TLN2: variants seen among roughly 807,000 people sequenced by gnomAD.
The protein encoded by TLN2 is talin-2.
In TLN2, 118 loss-of-function variants were observed where a neutral mutation model predicts 294.7. The ratio of observed to expected loss-of-function variants is 0.40; its 90% CI spans 0.34 to 0.47. The LOEUF (loss-of-function observed/expected upper bound fraction) is 0.47. Ranked by LOEUF, TLN2 falls within the 20% of genes least tolerant of loss-of-function variation. The pLI, the probability that TLN2 is intolerant of heterozygous loss-of-function variation, is 0.84. For synonymous variants in TLN2, 1,431 were observed against 1,304.5 expected, an observed-to-expected ratio of 1.10 and a Z score of -2.09; for missense variants, 3,083 against 3,282.2, an observed-to-expected ratio of 0.94 and a Z score of 1.48.
At chr15:62,420,098 A>G (rs2034306611) in intron 1 of TLN2, among the ~76,000 whole-genome samples, 1 of 152,184 alleles carries the variant, frequency 6.6e-6, no homozygotes, top group Non-Finnish European at 1.5e-5. Context: ...CAGCCTTATA[A>G]AACTGGGAAA....
chr15:62,522,510 A>G (rs1259167434), intron 1 of TLN2, among the ~76,000 whole-genome samples: 2 of 152,192 alleles, frequency 1.3e-5, no homozygotes, highest in Admixed American at 1.3e-4. Flanking sequence ...CTGCTAGAAC[A>G]AGTACGCTGT....
Position 62,796,304 on chromosome 15 carries a change from G to C in TLN2, c.6050+11G>C. On this transcript the variant is annotated intron_variant, in intron 47 of 58. Coordinates refer to ENST00000636159, the MANE Select transcript of TLN2 (RefSeq NM_015059.3). ...CTTCGCAGACCACAGGTACGTGGGG[G>C]TCCTGGACGGGGAGAGGTTCAGGCT... 1 of 1,608,202 alleles carries C rather than the reference G, an allele frequency of 6.2e-7. No individual in the cohort carries two copies.
intron 1 of TLN2, among the ~76,000 whole-genome samples, chr15:62,471,070 A>G (rs1023761110): frequency 6.6e-6 from 1 of 152,192 alleles, no homozygotes; most frequent in Non-Finnish European, 1.5e-5. Flanking sequence ...AAGGCTGGGC[A>G]TGTGTGGCTT....
intron 54 of TLN2, among the ~76,000 whole-genome samples, chr15:62,823,046 A>G (rs532413247): frequency 4.6e-5 from 7 of 152,306 alleles, no homozygotes; most frequent in Admixed American, 2.6e-4. Context: ...GGGTTTTTAC[A>G]GGAAAGCCAA....
chr15:62,493,587 G>A (rs2038862590), intron 1 of TLN2, among the ~76,000 whole-genome samples: 1 of 151,640 alleles, frequency 6.6e-6, no homozygotes, highest in African/African-American at 2.4e-5. Context: ...GTAGGAAGCT[G>A]GCCCAACACC....
intron 1 of TLN2, among the ~76,000 whole-genome samples, chr15:62,397,197 T>A (rs1160223987): frequency 6.6e-6 from 1 of 152,172 alleles, no homozygotes; most frequent in South Asian, 2.1e-4. Context: ...GAATGATGAG[T>A]TTTTGCCAGT....
rs758343282 is a variant in TLN2, at chr15:62,697,721, C to T, written c.1326C>T (p.Thr442=). The stretch of plus-strand genomic sequence containing the variant: ...TCTTGCAGCAGCAGTTCAACCGGAC[C>T]GGGAAGGCAGAGCACGGCTCAGTGG... The part of the protein sequence containing the change: ...STILQQQFNR[T]GKAEHGSVAL... Residue 442 remains threonine, a synonymous_variant, in exon 15 of 59, where the codon ACC becomes ACT. Coordinates refer to ENST00000636159, the MANE Select transcript of TLN2 (RefSeq NM_015059.3). 32 of 1,603,900 alleles carry T rather than the reference C, an allele frequency of 2.0e-5. No individual in the cohort carries two copies. Among genetic ancestry groups the T allele is most frequent in the South Asian group, 4.4e-5 (4 of 90,654 alleles).
At position 62,652,459 on chromosome 15, in the gene TLN2, G is replaced by A. The variant is rs2052699854; in HGVS notation, c.364+325G>A. Among the ~76,000 whole-genome samples, 3 of 152,320 alleles carry A rather than the reference G, an allele frequency of 2.0e-5. 1 individual carries two copies. The South Asian group carries it at 6.2e-4, about 32-fold the overall frequency. On this transcript the variant is annotated intron_variant, in intron 6 of 58. Transcript: ENST00000636159. ...CACTCTAGATGTTCACTATCTCCTT[G>A]AGTACTTACGATGACAGCCCACATG...
intron 46 of TLN2, 71 bp downstream of exon 46, chr15:62,792,858 A>T: frequency 2.5e-6 from 4 of 1,578,086 alleles, no homozygotes; most frequent in Middle Eastern, 1.7e-4. Flanking sequence ...GTAATCAAGG[A>T]CAAAAGCAGG....
intron 37 of TLN2, among the ~76,000 whole-genome samples, chr15:62,756,864 C>T (rs1459144333): frequency 6.6e-6 from 1 of 151,884 alleles, no homozygotes; most frequent in Non-Finnish European, 1.5e-5. Context: ...GCACCCCAGT[C>T]AGCAGCTTCT....
At chr15:62,582,455 G>C (rs560292834) in intron 1 of TLN2, among the ~76,000 whole-genome samples, 2 of 152,314 alleles carry the variant, frequency 1.3e-5, no homozygotes, top group African/African-American at 4.8e-5. Context: ...GCGAAATACA[G>C]ACATGTAAAT....
At chr15:62,827,099 C>G (rs1390071955) in intron 54 of TLN2, among the ~76,000 whole-genome samples, 1 of 152,126 alleles carries the variant, frequency 6.6e-6, no homozygotes, top group Non-Finnish European at 1.5e-5. Context: ...GGGAGGCAAG[C>G]CCTTTGGCCA....
At chr15:62,607,152 C>T (rs2047520328) in intron 2 of TLN2, among the ~76,000 whole-genome samples, 1 of 152,160 alleles carries the variant, frequency 6.6e-6, no homozygotes, top group South Asian at 2.1e-4. Flanking sequence ...GTGGGGCTTG[C>T]TCCTGCCCTT....
At position 62,820,613 on chromosome 15, in the gene TLN2, A is replaced by G. The variant is rs773147314; in HGVS notation, c.7002+3A>G. On this transcript the variant is annotated splice_donor_region_variant and intron_variant, in intron 54 of 58. Coordinates refer to ENST00000636159, the MANE Select transcript of TLN2 (RefSeq NM_015059.3). ...TGAAGCCAAGAGCAAAACCAAAAGT[A>G]AGTGTTCATTTATGGTTGGCTGTCC... 6.2e-7 allele frequency: 1 copy of G among 1,612,672 alleles called. No individual in the cohort carries two copies. Among genetic ancestry groups the G allele is most frequent in the South Asian group, 1.1e-5 (1 of 90,930 alleles).
chr15:62,753,223 A>G (rs2062033598), intron 35 of TLN2, among the ~76,000 whole-genome samples: 1 of 152,112 alleles, frequency 6.6e-6, no homozygotes, highest in African/African-American at 2.4e-5. Flanking sequence ...TTTCTGGGCC[A>G]TCTTACTCAA....
intron 1 of TLN2, among the ~76,000 whole-genome samples, chr15:62,435,817 C>T (rs2035261734): frequency 6.6e-6 from 1 of 152,240 alleles, no homozygotes; most frequent in African/African-American, 2.4e-5. Flanking sequence ...GCTAGGATTA[C>T]AGGCGTGAGC....
At chr15:62,582,246 A>ACACACACACACACACACCC (rs764248336) in intron 1 of TLN2, among the ~76,000 whole-genome samples, 1 of 137,240 alleles carries the variant, frequency 7.3e-6, no homozygotes, top group Non-Finnish European at 1.6e-5. Flanking sequence ...ACACACACAC[A>ACACACACACACACACACCC]CATTCATGCC....
At chr15:62,810,437 G>A (rs969618698) in intron 52 of TLN2, among the ~76,000 whole-genome samples, 6 of 152,178 alleles carry the variant, frequency 3.9e-5, no homozygotes, top group Non-Finnish European at 4.4e-5. Context: ...GCCAGCCTCC[G>A]TGGCAAGTGA....
intron 42 of TLN2, among the ~76,000 whole-genome samples, chr15:62,774,046 C>G (rs993195112): frequency 6.6e-6 from 1 of 152,152 alleles, no homozygotes; most frequent in African/African-American, 2.4e-5. Flanking sequence ...CTGCGGCATC[C>G]TTGATGGGCC....
Sources: allele counts gnomAD v4.1 joint callset (sites outside exome capture counted in the v4.1 genomes callset), GRCh38; gene constraint gnomAD v4.1.1; transcripts MANE v1.5; gene names NCBI Gene and HGNC (gene_info 2026-07-23, HGNC 2026-07-21).